The following SCIMP variants were observed in gnomAD, a reference collection of about 807,000 sequenced individuals.
SCIMP encodes the protein SLP adapter and CSK-interacting membrane protein.
A neutral mutation model predicts 22.0 loss-of-function variants in SCIMP; 18 were observed. The observed-to-expected ratio is 0.82, with a 90% CI of 0.56 to 1.21. The LOEUF (loss-of-function observed/expected upper bound fraction) is 1.21. Ranked by LOEUF, SCIMP falls within the 50% of genes most tolerant of loss-of-function variation. SCIMP has a pLI of 0.00. For missense variants in SCIMP, 155 were observed against 171.2 expected, an observed-to-expected ratio of 0.91 and a Z score of 0.53; for synonymous variants, 53 against 62.2, an observed-to-expected ratio of 0.85 and a Z score of 0.70.
chr17:5,228,805 T>G (rs1180271512), intron 1 of SCIMP, among the ~76,000 whole-genome samples: 1 of 152,176 alleles, frequency 6.6e-6, no homozygotes, highest in African/African-American at 2.4e-5. Context: ...TGCCTGTAAT[T>G]ACCACTGTGT....
intron 1 of SCIMP, among the ~76,000 whole-genome samples, chr17:5,227,482 C>T (rs138501931): frequency 0.015 from 2,289 of 152,230 alleles, 58 homozygotes; most frequent in African/African-American, 0.051. Flanking sequence ...TCCCAAAGTT[C>T]TGGGATTACA....
At chr17:5,215,365 C>G in intron 3 of SCIMP, 1 of 172,026 alleles carries the variant, frequency 5.8e-6, no homozygotes, top group Non-Finnish European at 1.2e-5. Context: ...GTAATCCCAG[C>G]ACTTTGGGAG....
chr17:5,215,003 A>G lies in SCIMP; in HGVS notation c.210-5T>C. On this transcript the variant is annotated splice_polypyrimidine_tract_variant and splice_region_variant and intron_variant, in intron 3 of 4. Coordinates refer to ENST00000574081, the MANE Select transcript of SCIMP (RefSeq NM_207103.3). ...GGCGACTCATTAAGAACATTCCTAG[A>G]GAGAGAGAAAGAGAGAGAATCAGTG... The G allele has an allele frequency of 6.4e-7, 1 of 1,567,666 alleles. No homozygotes were observed. The highest frequency in any genetic ancestry group is 8.8e-7 in the Non-Finnish European group (1 of 1,138,136).
intron 2 of SCIMP, 99 bp from the exon 3 acceptor site, chr17:5,221,449 A>G: frequency 1.1e-6 from 1 of 894,872 alleles, no homozygotes; most frequent in Non-Finnish European, 1.9e-6. Context: ...CAGTTAATAA[A>G]TGATAGAGCC....
At chr17:5,228,920 C>T (rs1406885076) in intron 1 of SCIMP, among the ~76,000 whole-genome samples, 2 of 152,092 alleles carry the variant, frequency 1.3e-5, no homozygotes, top group African/African-American at 4.8e-5. Flanking sequence ...TATAGATGGA[C>T]CTCCCACCCG....
chr17:5,220,460 T>C (rs2439946), intron 3 of SCIMP, among the ~76,000 whole-genome samples: 125,142 of 147,976 alleles, frequency 0.85, 53,704 homozygotes, highest in Non-Finnish European at 0.92. Flanking sequence ...AAAAAGAGGC[T>C]GGGTGCAGTG....
intron 1 of SCIMP, among the ~76,000 whole-genome samples, chr17:5,225,773 A>C (rs910707915): frequency 1.1e-4 from 17 of 151,844 alleles, no homozygotes; most frequent in Admixed American, 7.2e-4. Flanking sequence ...AAAAAAAAAA[A>C]AAAACACCGA....
chr17:5,213,001 A>T (rs1261862140), intron 4 of SCIMP: 3 of 158,278 alleles, frequency 1.9e-5, no homozygotes, highest in Non-Finnish European at 2.6e-5. Context: ...GTGGACAGAG[A>T]GGGCCTCTTT....
At chr17:5,233,886 C>G (rs1000591110) in intron 1 of SCIMP, 1 of 152,138 alleles carries the variant, frequency 6.6e-6, no homozygotes. Flanking sequence ...GATCTCGAGG[C>G]CTCTGGAAGG....
intron 2 of SCIMP, among the ~76,000 whole-genome samples, chr17:5,222,691 T>G (rs1369118573): frequency 6.6e-6 from 1 of 151,676 alleles, no homozygotes; most frequent in East Asian, 1.9e-4. Context: ...TGATATGGAG[T>G]CTCACTCTTG....
At chr17:5,230,765 A>C (rs1262847724) in intron 1 of SCIMP, among the ~76,000 whole-genome samples, 1 of 152,000 alleles carries the variant, frequency 6.6e-6, no homozygotes, top group Non-Finnish European at 1.5e-5. Context: ...TACTGAAAAT[A>C]AAAACAAAAC....
chr17:5,223,481 T>C (rs2074623723), intron 1 of SCIMP, 25 bp from the exon 2 acceptor site: 1 of 1,612,354 alleles, frequency 6.2e-7, no homozygotes, highest in Non-Finnish European at 8.5e-7. Context: ...GAGAGAAGAA[T>C]GAGGTATGAA....
At chr17:5,217,299 C>T (rs2074571949) in intron 3 of SCIMP, among the ~76,000 whole-genome samples, 1 of 152,160 alleles carries the variant, frequency 6.6e-6, no homozygotes, top group African/African-American at 2.4e-5. Flanking sequence ...AGGAAAGTCA[C>T]CCGGTTCCAA....
At chr17:5,229,128 T>G (rs1388344322) in intron 1 of SCIMP, among the ~76,000 whole-genome samples, 1 of 152,134 alleles carries the variant, frequency 6.6e-6, no homozygotes, top group Non-Finnish European at 1.5e-5. Context: ...GCTTCCCCTT[T>G]GTTTCTCCCC....
chr17:5,214,248 C>A (rs1046719555), intron 4 of SCIMP: 1 of 152,296 alleles, frequency 6.6e-6, no homozygotes, highest in African/African-American at 2.4e-5. Context: ...TTACAGCAGC[C>A]TGAGCTATCT....
At chr17:5,214,623 G>A (rs2074550426) in intron 4 of SCIMP, 1 of 276,962 alleles carries the variant, frequency 3.6e-6, no homozygotes, top group Non-Finnish European at 6.7e-6. Flanking sequence ...GGTGGATCAC[G>A]AGGTCAGGAG....
At chr17:5,226,006 G>A (rs2074645782) in intron 1 of SCIMP, among the ~76,000 whole-genome samples, 2 of 152,056 alleles carry the variant, frequency 1.3e-5, no homozygotes, top group Non-Finnish European at 2.9e-5. Context: ...TCACACATTT[G>A]GTCACAGAAG....
intron 3 of SCIMP, among the ~76,000 whole-genome samples, chr17:5,217,718 C>T (rs548726311): frequency 6.6e-6 from 1 of 151,914 alleles, no homozygotes; most frequent in African/African-American, 2.4e-5. Context: ...CAGTTTCATC[C>T]ATGTCCCTAC....
rs559489959 is a variant in SCIMP, at chr17:5,215,379, G to A, written c.210-381C>T. 13 of 165,906 alleles carry A rather than the reference G, an allele frequency of 7.8e-5. No individual in the cohort carries two copies. In the South Asian group the frequency reaches 1.4e-3, roughly 17 times the overall value. The allele number at this position is 165,906 out of a possible 1,614,324, so 10.3% of individuals were successfully genotyped here. A position where few individuals can be genotyped will look rare whatever the true frequency, so the allele number is the denominator to read the frequency against. The stretch of plus-strand genomic sequence containing the variant: ...TGTAATCCCAGCACTTTGGGAGGCC[G>A]AGGCAGGCGGATCACCTGAGGTCAG... On this transcript the variant is annotated intron_variant, in intron 3 of 4. Coordinates refer to ENST00000574081, the MANE Select transcript of SCIMP (RefSeq NM_207103.3).
Sources: gnomAD v4.1 joint callset for allele counts (sites outside exome capture counted in the v4.1 genomes callset) on GRCh38, gnomAD v4.1.1 for gene constraint, MANE v1.5 for transcripts, NCBI Gene and HGNC (gene_info 2026-07-23, HGNC 2026-07-21) for gene names.